Variants in CTNNA3 observed in about 807,000 individuals in gnomAD.
CTNNA3 encodes catenin alpha 3.
A neutral mutation model predicts 95.7 loss-of-function variants in CTNNA3; 76 were observed. The ratio of observed to expected loss-of-function variants is 0.79; its 90% CI spans 0.66 to 0.96. The LOEUF (loss-of-function observed/expected upper bound fraction) is 0.96, where lower values mean the gene tolerates loss of function less well. Ranked by LOEUF, CTNNA3 falls within the 40% of genes least tolerant of loss-of-function variation. The pLI is 0.00. For missense variants in CTNNA3, 1,191 were observed against 1,089.8 expected, an observed-to-expected ratio of 1.09 and a Z score of -1.31; for synonymous variants, 431 against 374.4, an observed-to-expected ratio of 1.15 and a Z score of -1.74.
intron 7 of CTNNA3, among the ~76,000 whole-genome samples, chr10:66,874,367 T>C (rs1844532081): frequency 6.6e-6 from 1 of 152,140 alleles, no homozygotes; most frequent in Non-Finnish European, 1.5e-5. Context: ...TTTGTCATAT[T>C]TGGAATATTA....
intron 12 of CTNNA3, among the ~76,000 whole-genome samples, chr10:66,310,898 A>T (rs761655552): frequency 6.6e-6 from 1 of 152,060 alleles, no homozygotes; most frequent in African/African-American, 2.4e-5. Context: ...TTAGCCAGCC[A>T]GGATGGTCTC....
At chr10:67,319,372 A>G (rs1342938691) in intron 5 of CTNNA3, among the ~76,000 whole-genome samples, 1 of 152,186 alleles carries the variant, frequency 6.6e-6, no homozygotes, top group Non-Finnish European at 1.5e-5. Context: ...AGCAAGTCAT[A>G]GGGACCAGGG....
intron 12 of CTNNA3, among the ~76,000 whole-genome samples, chr10:66,300,661 G>A (rs1021227967): frequency 2.6e-5 from 4 of 151,484 alleles, no homozygotes; most frequent in African/African-American, 9.7e-5. Context: ...CATACAAATT[G>A]AAGGTAATTC....
intron 2 of CTNNA3, among the ~76,000 whole-genome samples, chr10:67,619,461 T>G (rs1270118753): frequency 6.6e-6 from 1 of 152,116 alleles, no homozygotes; most frequent in Admixed American, 6.6e-5. Flanking sequence ...TATTCAAAAA[T>G]CAACTCAAAT....
At chr10:67,152,182 G>A (rs770378954) in intron 7 of CTNNA3, among the ~76,000 whole-genome samples, 1 of 152,206 alleles carries the variant, frequency 6.6e-6, no homozygotes, top group South Asian at 2.1e-4. Flanking sequence ...AGTGAACTTG[G>A]AGACTTCCCT....
chr10:66,527,906 T>A (rs1349461842), intron 10 of CTNNA3, among the ~76,000 whole-genome samples: 1 of 152,012 alleles, frequency 6.6e-6, no homozygotes, highest in East Asian at 1.9e-4. Flanking sequence ...CCTTCTCAAT[T>A]TGGATACCAC....
At chr10:67,290,225 C>T (rs1000180514) in intron 5 of CTNNA3, among the ~76,000 whole-genome samples, 4 of 152,084 alleles carry the variant, frequency 2.6e-5, no homozygotes, top group African/African-American at 7.2e-5. Flanking sequence ...GTAATACCTG[C>T]TTTTTTTATT....
upstream of CTNNA3, among the ~76,000 whole-genome samples, chr10:67,701,187 T>A (rs1294786157): frequency 6.6e-6 from 1 of 152,188 alleles, no homozygotes; most frequent in African/African-American, 2.4e-5. Context: ...TGGAACCAAG[T>A]TGGAAAACAC....
intron 9 of CTNNA3, among the ~76,000 whole-genome samples, chr10:66,712,664 C>T (rs569689575): frequency 9.2e-5 from 14 of 152,044 alleles, no homozygotes; most frequent in South Asian, 4.2e-4. Flanking sequence ...GGCTTACTAA[C>T]GCTATGGCAC....
At chr10:67,751,605 T>C (rs1273505831) in intron 1 of CTNNA3, among the ~76,000 whole-genome samples, 1 of 151,492 alleles carries the variant, frequency 6.6e-6, no homozygotes, top group Non-Finnish European at 1.5e-5. Context: ...AAGAATCAAA[T>C]AGACACAATA....
At chr10:67,473,788 G>A (rs564395570) in intron 5 of CTNNA3, among the ~76,000 whole-genome samples, 5 of 152,184 alleles carry the variant, frequency 3.3e-5, no homozygotes, top group Non-Finnish European at 5.9e-5. Context: ...CATTTTATAG[G>A]TATAATAAGT....
intron 7 of CTNNA3, among the ~76,000 whole-genome samples, chr10:66,895,663 C>T (rs533085413): frequency 2.0e-5 from 3 of 151,942 alleles, no homozygotes; most frequent in Non-Finnish European, 4.4e-5. Flanking sequence ...TTTCTTTATG[C>T]CTCAGTTTTC....
chr10:67,453,567 A>G (rs78431077), intron 5 of CTNNA3, among the ~76,000 whole-genome samples: 2,643 of 152,308 alleles, frequency 0.017, 85 homozygotes, highest in African/African-American at 0.058. Context: ...TGGAAAACAA[A>G]CTTCACTTTC....
intron 12 of CTNNA3, among the ~76,000 whole-genome samples, chr10:66,284,872 A>G (rs2091557913): frequency 6.6e-6 from 1 of 151,920 alleles, no homozygotes; most frequent in Admixed American, 6.6e-5. Flanking sequence ...AATTAATAAT[A>G]CTAGAAAGTG....
At chr10:67,030,546 T>C (rs1853651040) in intron 7 of CTNNA3, among the ~76,000 whole-genome samples, 1 of 150,896 alleles carries the variant, frequency 6.6e-6, no homozygotes, top group Non-Finnish European at 1.5e-5. Context: ...GGAGTGATTT[T>C]ACATATTGTA....
At chr10:66,497,110 T>C (rs1372123150) in intron 11 of CTNNA3, among the ~76,000 whole-genome samples, 1 of 152,094 alleles carries the variant, frequency 6.6e-6, no homozygotes, top group African/African-American at 2.4e-5. Context: ...TATTTACAAA[T>C]ACAGTCACAT....
intron 7 of CTNNA3, among the ~76,000 whole-genome samples, chr10:67,083,555 T>C (rs892896150): frequency 6.6e-6 from 1 of 152,206 alleles, no homozygotes; most frequent in Non-Finnish European, 1.5e-5. Context: ...TTTTATTTTT[T>C]AGAATTTGTA....
chr10:67,601,933 A>AGG (rs1843096425), intron 3 of CTNNA3, among the ~76,000 whole-genome samples: 1 of 152,170 alleles, frequency 6.6e-6, no homozygotes, highest in Non-Finnish European at 1.5e-5. Context: ...AAATACCCAC[A>AGG]TTATTTATCA....
At chr10:66,638,866 A>G (rs1357439026) in intron 9 of CTNNA3, among the ~76,000 whole-genome samples, 4 of 152,104 alleles carry the variant, frequency 2.6e-5, no homozygotes, top group Non-Finnish European at 5.9e-5. Flanking sequence ...GTAGAATACA[A>G]AATCCCTCAT....
Sources: gnomAD v4.1 joint callset for allele counts (sites outside exome capture counted in the v4.1 genomes callset) on GRCh38, gnomAD v4.1.1 for gene constraint, MANE v1.5 for transcripts, NCBI Gene and HGNC (gene_info 2026-07-23, HGNC 2026-07-21) for gene names.